PTPRG: variants seen among roughly 807,000 people sequenced by gnomAD.
PTPRG encodes protein tyrosine phosphatase receptor type G.
PTPRG carries 102 observed loss-of-function variants against 165.3 expected under a neutral mutation model. That is an observed-to-expected ratio of 0.62 (90% confidence interval 0.53 to 0.73). The LOEUF (loss-of-function observed/expected upper bound fraction) is 0.73. PTPRG is among the 30% of genes least tolerant of loss of function. The pLI is 0.00. For missense variants in PTPRG, 1,866 were observed against 1,861.4 expected (o/e 1.00, Z -0.05); for synonymous variants, 675 against 669.5 (o/e 1.01, Z -0.13).
At chr3:61,766,565 T>C (rs1160071574) in intron 2 of PTPRG, among the ~76,000 whole-genome samples, 1 of 152,122 alleles carries the variant, frequency 6.6e-6, no homozygotes, top group African/African-American at 2.4e-5. Context: ...GAAAGGAAAC[T>C]TTGTTCGTAT....
At chr3:61,930,036 C>T (rs923326053) in intron 2 of PTPRG, among the ~76,000 whole-genome samples, 8 of 146,612 alleles carry the variant, frequency 5.5e-5, no homozygotes, top group Non-Finnish European at 7.5e-5. Flanking sequence ...ACAGATAATG[C>T]GGTATTTTTT....
intron 6 of PTPRG, among the ~76,000 whole-genome samples, chr3:62,154,906 C>T (rs1006740738): frequency 7.2e-5 from 11 of 152,162 alleles, no homozygotes; most frequent in Admixed American, 5.9e-4. Context: ...CACCCTCTAT[C>T]GCTTGGGGCT....
chr3:62,255,282 C>T lies in PTPRG; in HGVS notation c.2559+67C>T. On this transcript the variant is annotated intron_variant, in intron 16 of 29. Transcript: ENST00000474889. This position sits in a 1 kb window ranked among gnomAD's most constrained non-coding sequence, Gnocchi z 4.0. ...CTTACTTTATGCAGATTTTTGTAAA[C>T]TTGAACTGAATTCATTCCAAGCATA... 2 of 1,247,834 alleles carry T rather than the reference C, an allele frequency of 1.6e-6. No individual in the cohort carries two copies. The highest frequency in any genetic ancestry group is 2.3e-6 in the Non-Finnish European group (2 of 868,108). 77.3% of individuals were successfully genotyped at this position (1,247,834 alleles called of 1,614,324 possible).
intron 16 of PTPRG, among the ~76,000 whole-genome samples, chr3:62,260,265 A>C (rs902320386): frequency 1.3e-5 from 2 of 152,228 alleles, no homozygotes; most frequent in African/African-American, 4.8e-5. Flanking sequence ...CAAATAATTT[A>C]TTCTCAGCTA....
At chr3:62,021,984 G>C (rs1030573072) in intron 4 of PTPRG, among the ~76,000 whole-genome samples, 1 of 149,458 alleles carries the variant, frequency 6.7e-6, no homozygotes, top group Non-Finnish European at 1.5e-5. Context: ...TTTTTCTGTA[G>C]AACTAATTTG....
intron 2 of PTPRG, among the ~76,000 whole-genome samples, chr3:61,923,371 C>G (rs535733174): frequency 5.9e-5 from 9 of 152,164 alleles, no homozygotes; most frequent in Non-Finnish European, 7.4e-5. Context: ...AAATCGCCAG[C>G]GTTTTCCCAA....
At chr3:61,834,761 T>C (rs1388012087) in intron 2 of PTPRG, among the ~76,000 whole-genome samples, 1 of 152,104 alleles carries the variant, frequency 6.6e-6, no homozygotes, top group Non-Finnish European at 1.5e-5. Flanking sequence ...TGCAGTGAGC[T>C]GAGATCGTGC....
At chr3:62,193,867 G>T (rs981366756) in intron 9 of PTPRG, among the ~76,000 whole-genome samples, 4 of 152,222 alleles carry the variant, frequency 2.6e-5, no homozygotes, top group Admixed American at 2.6e-4. Context: ...ATGCTTTGAT[G>T]ATAAGACAAC....
chr3:61,893,093 G>A (rs747355693), intron 2 of PTPRG, among the ~76,000 whole-genome samples: 4 of 152,162 alleles, frequency 2.6e-5, no homozygotes, highest in Non-Finnish European at 4.4e-5. Flanking sequence ...GTCGACTGCT[G>A]ATGAGGTGCA....
chr3:61,858,404 A>G (rs907172634), intron 2 of PTPRG, among the ~76,000 whole-genome samples: 4 of 152,222 alleles, frequency 2.6e-5, no homozygotes, highest in Non-Finnish European at 4.4e-5. Context: ...CAGTCCTTCT[A>G]AAGCTAATTT....
chr3:61,784,885 G>GA (rs2034649490), intron 2 of PTPRG, among the ~76,000 whole-genome samples: 2 of 152,244 alleles, frequency 1.3e-5, no homozygotes, highest in South Asian at 4.1e-4. Context: ...TTAATAGTCT[G>GA]AAAACGGATG....
At chr3:62,005,272 C>T (rs973811072) in intron 4 of PTPRG, among the ~76,000 whole-genome samples, 1 of 152,182 alleles carries the variant, frequency 6.6e-6, no homozygotes, top group African/African-American at 2.4e-5. Context: ...TTCTCTTCCA[C>T]CCTTAAAATG....
At chr3:61,909,921 A>G (rs1448914231) in intron 2 of PTPRG, among the ~76,000 whole-genome samples, 1 of 152,142 alleles carries the variant, frequency 6.6e-6, no homozygotes, top group Non-Finnish European at 1.5e-5. Context: ...AGGTTCAGAG[A>G]GTTTAGTGAT....
chr3:61,685,167 G>A (rs953480610), intron 1 of PTPRG, among the ~76,000 whole-genome samples: 2 of 152,220 alleles, frequency 1.3e-5, no homozygotes, highest in African/African-American at 4.8e-5. Flanking sequence ...ATTGGGCAAT[G>A]TGCTTGCACT....
At chr3:62,288,672 C>CAA (rs781432160) in intron 28 of PTPRG, among the ~76,000 whole-genome samples, 28 of 81,658 alleles carry the variant, frequency 3.4e-4, no homozygotes, top group East Asian at 1.4e-3. Context: ...TACTCCGTCA[C>CAA]AAAAAAAAAA....
At chr3:62,091,587 G>A (rs574184804) in intron 5 of PTPRG, among the ~76,000 whole-genome samples, 1 of 152,038 alleles carries the variant, frequency 6.6e-6, no homozygotes, top group Non-Finnish European at 1.5e-5. Flanking sequence ...TCCTCTCCAG[G>A]GTCAAAGTCA....
intron 2 of PTPRG, among the ~76,000 whole-genome samples, chr3:61,754,496 G>T (rs182168412): frequency 6.6e-6 from 1 of 152,286 alleles, no homozygotes; most frequent in African/African-American, 2.4e-5. Context: ...TTGAAGACAA[G>T]GATTATTGCT....
intron 2 of PTPRG, among the ~76,000 whole-genome samples, chr3:61,769,036 C>T (rs893301430): frequency 1.3e-5 from 2 of 152,068 alleles, no homozygotes; most frequent in Non-Finnish European, 2.9e-5. Flanking sequence ...GGAAATGGAG[C>T]ATTTGTGTAT....
intron 2 of PTPRG, among the ~76,000 whole-genome samples, chr3:61,816,644 A>T (rs866404208): frequency 1.3e-5 from 2 of 152,260 alleles, no homozygotes; most frequent in Middle Eastern, 6.8e-3. Flanking sequence ...TCTCCCACAG[A>T]AAAATCCCAA....
Sources: allele counts gnomAD v4.1 joint callset (sites outside exome capture counted in the v4.1 genomes callset), GRCh38; gene constraint gnomAD v4.1.1; non-coding constraint Gnocchi (gnomAD v3.1); transcripts MANE v1.5; gene names NCBI Gene and HGNC (gene_info 2026-07-23, HGNC 2026-07-21).